SCHIP1: variants seen among roughly 807,000 people sequenced by gnomAD.
The protein encoded by SCHIP1 is schwannomin interacting protein 1.
A neutral mutation model predicts 29.7 loss-of-function variants in SCHIP1; 8 were observed. The ratio of observed to expected loss-of-function variants is 0.27; its 90% CI spans 0.16 to 0.49. SCHIP1 has a LOEUF of 0.49. SCHIP1 is among the 20% of genes least tolerant of loss of function. SCHIP1 has a pLI of 0.99. For synonymous variants in SCHIP1, 76 were observed against 94.9 expected (o/e 0.80, Z 1.16); for missense variants, 193 against 294.6 (o/e 0.66, Z 2.52).
chr3:159,290,300 A>G, the SCHIP1 span, among the ~76,000 whole-genome samples: 398 of 152,346 alleles, frequency 2.6e-3, 5 homozygotes, highest in South Asian at 0.027. Context: ...ATGTAAGAAC[A>G]GCAGGAAGGG....
At chr3:159,801,214 T>G in the SCHIP1 span, among the ~76,000 whole-genome samples, 7,730 of 152,228 alleles carry the variant, frequency 0.051, 303 homozygotes, top group Non-Finnish European at 0.06. Flanking sequence ...GTATTTTATA[T>G]CAGGAAGAAT....
At chr3:159,859,352 C>T (rs1333370305) in intron 1 of SCHIP1, among the ~76,000 whole-genome samples, 1 of 152,194 alleles carries the variant, frequency 6.6e-6, no homozygotes, top group East Asian at 1.9e-4. Context: ...ACATAACAAA[C>T]AAGTAAGTTC....
chr3:159,564,196 G>A, the SCHIP1 span, among the ~76,000 whole-genome samples: 1 of 152,110 alleles, frequency 6.6e-6, no homozygotes, highest in Non-Finnish European at 1.5e-5. Context: ...GTTACATTGT[G>A]AATGTAAATA....
rs370469973 is a variant in SCHIP1 at position 159,848,103 on chromosome 3, A to T, written c.30+7889A>T. The stretch of plus-strand genomic sequence containing the variant: ...TTAATAATTTCCACCAATGGCTGAT[A>T]ATGATCATTTAAAAGCATTAACTCA... On this transcript the variant is annotated intron_variant, in intron 1 of 6. Transcript: ENST00000445224. 8.5e-4 allele frequency among the ~76,000 whole-genome samples: 129 copies of T among 152,342 alleles called. 1 individual carries two copies. The South Asian group carries it at 0.024, about 29-fold the overall frequency.
chr3:159,477,449 A>G, the SCHIP1 span, among the ~76,000 whole-genome samples: 1 of 152,124 alleles, frequency 6.6e-6, no homozygotes, highest in African/African-American at 2.4e-5. Context: ...AACACTTGCT[A>G]TCCTTCATCT....
the SCHIP1 span, among the ~76,000 whole-genome samples, chr3:159,700,934 G>A: frequency 6.6e-6 from 1 of 152,166 alleles, no homozygotes; most frequent in Non-Finnish European, 1.5e-5. Context: ...GTGATGTGGT[G>A]TGGTATGGTA....
the SCHIP1 span, among the ~76,000 whole-genome samples, chr3:159,780,639 A>G: frequency 6.6e-6 from 1 of 152,214 alleles, no homozygotes; most frequent in African/African-American, 2.4e-5. Flanking sequence ...GGCATCCTAC[A>G]TAGAGACATC....
intron 1 of SCHIP1, among the ~76,000 whole-genome samples, chr3:159,849,362 G>A (rs1425390457): frequency 2.6e-5 from 4 of 152,000 alleles, no homozygotes; most frequent in African/African-American, 9.7e-5. Context: ...TAGTAATCAG[G>A]CATATCATTT....
chr3:159,482,950 G>A, the SCHIP1 span, among the ~76,000 whole-genome samples: 3 of 152,140 alleles, frequency 2.0e-5, no homozygotes, highest in African/African-American at 7.2e-5. Flanking sequence ...CAGGGGTCTG[G>A]ACTGGATTTA....
At chr3:159,877,223 G>A (rs1183088839) in intron 2 of SCHIP1, among the ~76,000 whole-genome samples, 7 of 152,076 alleles carry the variant, frequency 4.6e-5, no homozygotes, top group Non-Finnish European at 8.8e-5. Flanking sequence ...GGTGGCGGGC[G>A]CCTATAATCC....
At chr3:159,450,086 T>G in the SCHIP1 span, among the ~76,000 whole-genome samples, 5 of 152,180 alleles carry the variant, frequency 3.3e-5, no homozygotes, top group African/African-American at 1.2e-4. Flanking sequence ...CAGACTTATC[T>G]CTATCAAAGA....
At chr3:159,344,575 T>C in the SCHIP1 span, among the ~76,000 whole-genome samples, 1 of 152,216 alleles carries the variant, frequency 6.6e-6, no homozygotes, top group East Asian at 1.9e-4. Context: ...ATCAGACACA[T>C]CCCAGTTGAG....
the SCHIP1 span, among the ~76,000 whole-genome samples, chr3:159,571,382 G>C: frequency 5.3e-5 from 8 of 152,194 alleles, no homozygotes; most frequent in African/African-American, 1.9e-4. Flanking sequence ...CATCTATTGA[G>C]ATAATCATGT....
chr3:159,596,410 A>G, the SCHIP1 span, among the ~76,000 whole-genome samples: 2 of 152,182 alleles, frequency 1.3e-5, no homozygotes, highest in Non-Finnish European at 1.5e-5. Context: ...AAGGTTCTAG[A>G]ACTAGAAATA....
At chr3:159,442,354 T>A in the SCHIP1 span, among the ~76,000 whole-genome samples, 2 of 151,200 alleles carry the variant, frequency 1.3e-5, no homozygotes, top group South Asian at 2.1e-4. Context: ...GCAGGAAGAG[T>A]CTGGTCAGGA....
chr3:159,889,352 G>C (rs941666586), intron 5 of SCHIP1, among the ~76,000 whole-genome samples: 2 of 152,152 alleles, frequency 1.3e-5, no homozygotes, highest in African/African-American at 4.8e-5. Flanking sequence ...ACATTTCCTA[G>C]GACTCCAGGT....
At chr3:159,457,843 G>A in the SCHIP1 span, among the ~76,000 whole-genome samples, 2 of 152,114 alleles carry the variant, frequency 1.3e-5, no homozygotes, top group African/African-American at 2.4e-5. Flanking sequence ...AACAATATAT[G>A]TAATAAAAAT....
the SCHIP1 span, among the ~76,000 whole-genome samples, chr3:159,336,809 T>C: frequency 3.9e-5 from 6 of 152,194 alleles, no homozygotes. Context: ...TGGCTTAGGA[T>C]TGACTTGGCA....
chr3:159,848,142 C>T (rs1020513857), intron 1 of SCHIP1, among the ~76,000 whole-genome samples: 14 of 152,198 alleles, frequency 9.2e-5, no homozygotes, highest in African/African-American at 3.4e-4. Context: ...GAGCAATGTG[C>T]CTTTCAATTC....
Sources: gnomAD v4.1 joint callset for allele counts (sites outside exome capture counted in the v4.1 genomes callset) on GRCh38, gnomAD v4.1.1 for gene constraint, MANE v1.5 for transcripts, NCBI Gene and HGNC (gene_info 2026-07-23, HGNC 2026-07-21) for gene names.